PTGIS: variants seen among roughly 807,000 people sequenced by gnomAD.
The protein encoded by PTGIS is prostaglandin I2 synthase, also known as prostacyclin synthase.
A neutral mutation model predicts 50.3 loss-of-function variants in PTGIS; 45 were observed. That is an observed-to-expected ratio of 0.90 (90% CI 0.70 to 1.15). PTGIS has a LOEUF of 1.15. PTGIS is among the 50% of genes most tolerant of loss of function. The pLI is 0.00. For synonymous variants in PTGIS, 260 were observed against 267.7 expected, an observed-to-expected ratio of 0.97 and a Z score of 0.28; for missense variants, 668 against 661.3, an observed-to-expected ratio of 1.01 and a Z score of -0.11.
intron 1 of PTGIS, among the ~76,000 whole-genome samples, chr20:49,558,844 G>A (rs1982689443): frequency 1.3e-5 from 2 of 151,974 alleles, no homozygotes; most frequent in Non-Finnish European, 2.9e-5. Flanking sequence ...CTCCCAAGTA[G>A]CTGGGATTAC....
At chr20:49,548,365 G>A (rs1982418667) in intron 2 of PTGIS, among the ~76,000 whole-genome samples, 1 of 152,216 alleles carries the variant, frequency 6.6e-6, no homozygotes, top group Non-Finnish European at 1.5e-5. Flanking sequence ...GATTATCTTG[G>A]TTATTGCCAT....
chr20:49,567,947 G>A (rs1234343107), intron 1 of PTGIS, 96 bp downstream of exon 1: 12 of 1,216,106 alleles, frequency 9.9e-6, no homozygotes, highest in African/African-American at 4.8e-5. Flanking sequence ...GCGGGACTCG[G>A]GCCGGGCCGG....
intron 6 of PTGIS, among the ~76,000 whole-genome samples, chr20:49,520,663 GTTTA>G (rs762097005): frequency 4.6e-5 from 7 of 151,788 alleles, no homozygotes; most frequent in Non-Finnish European, 7.4e-5. Flanking sequence ...TTACTTGTTT[GTTTA>G]TTTATTTATT....
Position 49,548,072 on chromosome 20 carries a change from G to A in PTGIS, c.199-53C>T, listed in dbSNP as rs868656508. ...AGGAGTGTCACTGTGAACAGCAGCC[G>A]CTCTCAGTGGTCAGGGCCTTACTGT... On this transcript the variant is annotated intron_variant, in intron 2 of 9. Transcript: ENST00000244043. 83 of 1,543,128 alleles carry A rather than the reference G, an allele frequency of 5.4e-5. No individual in the cohort carries two copies. The Middle Eastern group carries it at 9.9e-4, about 18-fold the overall frequency.
At chr20:49,536,049 G>A (rs985572324) in intron 5 of PTGIS, among the ~76,000 whole-genome samples, 2 of 152,166 alleles carry the variant, frequency 1.3e-5, no homozygotes, top group African/African-American at 4.8e-5. Flanking sequence ...AGAGAAGAAT[G>A]TACAGCTATA....
intron 7 of PTGIS, among the ~76,000 whole-genome samples, chr20:49,513,654 C>T (rs1417339417): frequency 6.6e-6 from 1 of 152,158 alleles, no homozygotes; most frequent in Non-Finnish European, 1.5e-5. Flanking sequence ...TAGACTGCTG[C>T]TTCTATGCTC....
intron 1 of PTGIS, among the ~76,000 whole-genome samples, chr20:49,555,458 T>C (rs192707248): frequency 1.3e-3 from 197 of 152,310 alleles, no homozygotes; most frequent in African/African-American, 4.5e-3. Context: ...ACCTCATTAA[T>C]TTTTTGGCAT....
chr20:49,525,453 C>T (rs1463781220), intron 5 of PTGIS, among the ~76,000 whole-genome samples: 10 of 152,296 alleles, frequency 6.6e-5, no homozygotes, highest in Non-Finnish European at 2.9e-5. Context: ...GTTCTGGAAA[C>T]ATACAGCAGT....
intron 4 of PTGIS, among the ~76,000 whole-genome samples, 191 bp downstream of exon 4, chr20:49,544,114 A>G (rs1465686641): frequency 6.6e-6 from 1 of 152,172 alleles, no homozygotes; most frequent in Non-Finnish European, 1.5e-5. Context: ...CTCCTTTTAC[A>G]GTTCATGAGC....
rs28523686 is a variant in PTGIS at position 49,539,517 on chromosome 20, C to T, written c.673+53G>A. 3,143 of 1,589,554 alleles carry T rather than the reference C, an allele frequency of 2.0e-3. 54 individuals carry two copies. In the African/African-American group the frequency reaches 0.038, roughly 19 times the overall value. On this transcript the variant is annotated intron_variant, in intron 5 of 9. Coordinates refer to ENST00000244043, the MANE Select transcript of PTGIS (RefSeq NM_000961.4). Reference sequence around the variant, plus strand: ...TCCTCTACCTTGAATTGGGCTCCCCCTCTGGGTCTTTCCATCCTCCCCCCC... The same window carrying T: ...TCCTCTACCTTGAATTGGGCTCCCCTTCTGGGTCTTTCCATCCTCCCCCCC...
At chr20:49,566,236 A>T (rs373741949) in intron 1 of PTGIS, among the ~76,000 whole-genome samples, 1 of 152,204 alleles carries the variant, frequency 6.6e-6, no homozygotes, top group Admixed American at 6.5e-5. Context: ...ATCTCAAACA[A>T]ACAAACAAAC....
intron 5 of PTGIS, among the ~76,000 whole-genome samples, chr20:49,537,075 T>C (rs935174343): frequency 1.3e-5 from 2 of 152,226 alleles, no homozygotes; most frequent in African/African-American, 4.8e-5. Flanking sequence ...GCTGCAAGTC[T>C]CTGAGCCCAG....
intron 5 of PTGIS, among the ~76,000 whole-genome samples, chr20:49,530,985 T>A (rs186566845): frequency 2.0e-4 from 30 of 152,260 alleles, no homozygotes; most frequent in African/African-American, 7.0e-4. Flanking sequence ...GGTCTCGATC[T>A]CTTGACCTCG....
intron 2 of PTGIS, 132 bp downstream of exon 2, chr20:49,549,934 A>T (rs1234735450): frequency 4.1e-5 from 60 of 1,458,920 alleles, no homozygotes; most frequent in Non-Finnish European, 5.5e-5. Flanking sequence ...AGTTGGCTCG[A>T]CCACTCAGAT....
At chr20:49,522,169 C>G (rs1005587674) in intron 6 of PTGIS, among the ~76,000 whole-genome samples, 16 of 152,106 alleles carry the variant, frequency 1.1e-4, no homozygotes, top group Non-Finnish European at 1.8e-4. Context: ...TGTGATCCAA[C>G]TCTACTCTGC....
intron 4 of PTGIS, among the ~76,000 whole-genome samples, chr20:49,542,751 A>G (rs767121535): frequency 6.6e-6 from 1 of 152,168 alleles, no homozygotes; most frequent in Non-Finnish European, 1.5e-5. Context: ...GGGCAAAACA[A>G]AAAGAATGGG....
At chr20:49,562,897 A>C (rs1404871735) in intron 1 of PTGIS, among the ~76,000 whole-genome samples, 1 of 152,144 alleles carries the variant, frequency 6.6e-6, no homozygotes, top group Admixed American at 6.5e-5. Context: ...AGAGCCATGA[A>C]GGGAGGGCGT....
chr20:49,564,533 G>A (rs769011943), intron 1 of PTGIS, among the ~76,000 whole-genome samples: 7 of 152,146 alleles, frequency 4.6e-5, no homozygotes, highest in African/African-American at 1.4e-4. Context: ...TTATAGGTGT[G>A]AGCCACCGTG....
chr20:49,545,530 G>C (rs1425258833), intron 3 of PTGIS, among the ~76,000 whole-genome samples: 1 of 152,200 alleles, frequency 6.6e-6, no homozygotes, highest in Non-Finnish European at 1.5e-5. Context: ...TGCACAGAGT[G>C]AGGAGAGGCC....
Sources: allele counts gnomAD v4.1 joint callset (sites outside exome capture counted in the v4.1 genomes callset), GRCh38; gene constraint gnomAD v4.1.1; transcripts MANE v1.5; gene names NCBI Gene and HGNC (gene_info 2026-07-23, HGNC 2026-07-21).